The following KALRN variants were observed in gnomAD, a reference collection of about 807,000 sequenced individuals.
The protein encoded by KALRN is kalirin RhoGEF kinase.
In KALRN, 70 loss-of-function variants were observed where a neutral mutation model predicts 353.7. The ratio of observed to expected loss-of-function variants is 0.20; its 90% CI spans 0.16 to 0.24. The LOEUF (loss-of-function observed/expected upper bound fraction) is 0.24, where lower values mean the gene tolerates loss of function less well. Among genes scored for constraint, KALRN ranks in the 10% least tolerant of loss-of-function variants. The pLI, the probability that KALRN is intolerant of heterozygous loss-of-function variation, is 1.00. For missense variants in KALRN, 2,791 were observed against 3,756.7 expected (o/e 0.74, Z 6.72); for synonymous variants, 1,391 against 1,434.8 (o/e 0.97, Z 0.69).
intron 34 of KALRN, among the ~76,000 whole-genome samples, chr3:124,612,716 C>G (rs1316640284): frequency 6.6e-6 from 1 of 152,150 alleles, no homozygotes; most frequent in African/African-American, 2.4e-5. Context: ...CTGACTCCCT[C>G]TCTACCCTAA....
chr3:124,660,942 A>G lies in KALRN; in HGVS notation c.6236A>G (p.Glu2079Gly), dbSNP rs1479521774. 7 of 1,611,034 alleles carry G rather than the reference A, an allele frequency of 4.3e-6. No homozygotes were observed. Among genetic ancestry groups the G allele is most frequent in the Non-Finnish European group, 5.1e-6 (6 of 1,177,356 alleles). Residue 2079 changes from glutamate to glycine, a missense_variant, in exon 44 of 60, where the codon GAG becomes GGG. By Grantham distance (98) the Glu-to-Gly change is moderately conservative. Transcript: ENST00000682506. ...LLLKDFLRYSEKAGLECSDIE... is the reference protein window; with the variant it reads ...LLLKDFLRYSGKAGLECSDIE... ...TGTTAGGACTTCCTGAGATACAGTG[A>G]GAAGGCTGGTTTGGAGTGTTCAGAT...
At chr3:124,259,176 T>C (rs1454449331) in intron 3 of KALRN, among the ~76,000 whole-genome samples, 1 of 152,136 alleles carries the variant, frequency 6.6e-6, no homozygotes, top group Non-Finnish European at 1.5e-5. Flanking sequence ...GCGGTGAAAA[T>C]GCATCACACT....
intron 21 of KALRN, among the ~76,000 whole-genome samples, chr3:124,450,543 G>C (rs1023068105): frequency 1.3e-5 from 2 of 151,694 alleles, no homozygotes; most frequent in Non-Finnish European, 2.9e-5. Flanking sequence ...AAAGATAGGC[G>C]TGATGCTATT....
chr3:124,413,212 C>A (rs927258386), intron 13 of KALRN, among the ~76,000 whole-genome samples: 1 of 152,120 alleles, frequency 6.6e-6, no homozygotes, highest in African/African-American at 2.4e-5. Context: ...ACTTTATAAG[C>A]CATAATTCAT....
At chr3:124,142,990 A>G (rs1459214835) in intron 1 of KALRN, among the ~76,000 whole-genome samples, 1 of 151,852 alleles carries the variant, frequency 6.6e-6, no homozygotes, top group East Asian at 1.9e-4. Context: ...AGAAACTGTG[A>G]TGGCTTTTTT....
intron 8 of KALRN, among the ~76,000 whole-genome samples, chr3:124,330,713 G>A (rs2080461646): frequency 6.6e-6 from 1 of 152,230 alleles, no homozygotes; most frequent in African/African-American, 2.4e-5. Flanking sequence ...TTCTGAGGAA[G>A]GGGACTGAGG....
intron 5 of KALRN, among the ~76,000 whole-genome samples, chr3:124,286,069 T>TCTTTCTTTCCTTC: frequency 8.9e-6 from 1 of 111,780 alleles, no homozygotes; most frequent in African/African-American, 3.0e-5. Context: ...CTGTTTTCTT[T>TCTTTCTTTCCTTC]CTTTCTTTCC....
chr3:124,179,005 G>A (rs1047651022), intron 1 of KALRN, among the ~76,000 whole-genome samples: 1 of 152,068 alleles, frequency 6.6e-6, no homozygotes, highest in Admixed American at 6.5e-5. Flanking sequence ...TACTTGAGAG[G>A]CTGAAGTGGG....
intron 10 of KALRN, among the ~76,000 whole-genome samples, chr3:124,382,965 G>A (rs1308668645): frequency 6.6e-6 from 1 of 152,128 alleles, no homozygotes; most frequent in Admixed American, 6.5e-5. Context: ...TAACCCAGTG[G>A]CAAAACTACT....
chr3:124,577,767 A>G (rs1367406093), intron 34 of KALRN, among the ~76,000 whole-genome samples: 4 of 152,024 alleles, frequency 2.6e-5, no homozygotes, highest in African/African-American at 4.8e-5. Context: ...GCTACTTGAG[A>G]GACTGAGGTG....
chr3:124,366,350 G>A (rs562945279), intron 10 of KALRN, among the ~76,000 whole-genome samples: 52 of 146,948 alleles, frequency 3.5e-4, no homozygotes, highest in African/African-American at 3.5e-4. Context: ...AGGACCCTGC[G>A]GCCTTCCGCA....
At chr3:124,292,031 CA>C (rs2149149180) in intron 5 of KALRN, among the ~76,000 whole-genome samples, 1 of 152,274 alleles carries the variant, frequency 6.6e-6, no homozygotes, top group South Asian at 2.1e-4. Flanking sequence ...GGTGAGATGT[CA>C]CATTCTTTCA....
rs765238695 is a variant in KALRN at position 124,438,924 on chromosome 3, C to T, written c.3085C>T (p.Arg1029Trp). The change falls in exon 18 of 60, where the codon CGG becomes TGG. Residue 1029 changes from arginine to tryptophan, a missense_variant. Transcript: ENST00000682506. Reference protein sequence around the residue: ...SVLESLEQEYRRDEDWCGGRD... With the variant: ...SVLESLEQEYWRDEDWCGGRD... ...CCTGGAGAGCTTAGAGCAAGAATAC[C>T]GGAGAGATGAGGACTGGTGTGGTGG... 9 of 1,613,902 alleles carry T rather than the reference C, an allele frequency of 5.6e-6. No individual in the cohort carries two copies. The highest frequency in any genetic ancestry group is 4.5e-5 in the East Asian group (2 of 44,866).
At chr3:124,691,527 A>G (rs2061815943) in intron 51 of KALRN, among the ~76,000 whole-genome samples, 1 of 152,244 alleles carries the variant, frequency 6.6e-6, no homozygotes, top group African/African-American at 2.4e-5. Flanking sequence ...CAGTCACCCC[A>G]AATCAAGATG....
At chr3:124,695,564 T>G (rs1377116966) in intron 53 of KALRN, among the ~76,000 whole-genome samples, 1 of 152,192 alleles carries the variant, frequency 6.6e-6, no homozygotes, top group Non-Finnish European at 1.5e-5. Flanking sequence ...CTGTGACTTC[T>G]GTATTTCAGA....
Position 124,719,517 on chromosome 3 carries a change from A to G in KALRN, c.*47A>G. On this transcript the variant is annotated 3_prime_UTR_variant, in exon 60 of 60. Transcript: ENST00000682506. This position sits in a 1 kb window ranked among gnomAD's most constrained non-coding sequence, Gnocchi z 5.3. ...TTCACATAGACGTGCAGTGTGAACCAAAGCAAGACTGAATGTGACTGTAAA... is the reference window on the plus strand; with the variant it reads ...TTCACATAGACGTGCAGTGTGAACCGAAGCAAGACTGAATGTGACTGTAAA... 6.6e-7 allele frequency: 1 copy of G among 1,515,840 alleles called. No individual in the cohort carries two copies. Among genetic ancestry groups the G allele is most frequent in the Non-Finnish European group, 9.0e-7 (1 of 1,108,310 alleles). 93.9% of individuals were successfully genotyped at this position (1,515,840 alleles called of 1,614,324 possible). A position where few individuals can be genotyped will look rare whatever the true frequency, so the allele number is the denominator to read the frequency against.
At chr3:124,127,727 T>G (rs1156561078) in intron 1 of KALRN, among the ~76,000 whole-genome samples, 2 of 152,200 alleles carry the variant, frequency 1.3e-5, no homozygotes, top group African/African-American at 2.4e-5. Context: ...TGTTAGTAAA[T>G]TATTTTATGT....
In KALRN at chr3:124,492,785, G is replaced by A; in HGVS notation, c.4735G>A (p.Glu1579Lys). Residue 1579 changes from glutamate (E) to lysine (K), a missense_variant, in exon 32 of 60, where the codon GAA becomes AAA. By Grantham distance (56) the Glu-to-Lys change is moderately conservative. This residue lies in a region of KALRN where 239 missense variants were observed against 351.3 expected (regional missense o/e 0.68). Coordinates refer to ENST00000682506, the MANE Select transcript of KALRN (RefSeq NM_001388419.1). ...GCAGGAGTGGATCAAGAACATTCGA[G>A]AAGTGATTCAAGAAAGGATCATTCA... is the stretch of plus-strand genomic sequence containing the variant. ...TKQEWIKNIR[E>K]VIQERIIHLK... is the part of the protein sequence containing the mutation. The A allele has an allele frequency of 1.2e-6, 2 of 1,614,070 alleles. No homozygotes were observed. The highest frequency in any genetic ancestry group is 1.1e-5 in the South Asian group (1 of 91,068).
At chr3:124,263,320 C>G (rs892461247) in intron 3 of KALRN, among the ~76,000 whole-genome samples, 14 of 152,212 alleles carry the variant, frequency 9.2e-5, no homozygotes, top group Admixed American at 2.0e-4. Flanking sequence ...ATACATGAAA[C>G]AACTGGTCTG....
Sources: allele counts gnomAD v4.1 joint callset (sites outside exome capture counted in the v4.1 genomes callset), GRCh38; gene constraint gnomAD v4.1.1; regional missense constraint gnomAD v4.1.1; non-coding constraint Gnocchi (gnomAD v3.1); transcripts MANE v1.5; gene names NCBI Gene and HGNC (gene_info 2026-07-23, HGNC 2026-07-21).